TRPC4AP: variants seen among roughly 807,000 people sequenced by gnomAD.
TRPC4AP encodes transient receptor potential cation channel subfamily C member 4 associated protein.
In TRPC4AP, 45 loss-of-function variants were observed where a neutral mutation model predicts 99.0. That is an observed-to-expected ratio of 0.45 (90% confidence interval 0.36 to 0.58). The LOEUF (loss-of-function observed/expected upper bound fraction) is 0.58, where lower values mean the gene tolerates loss of function less well. Ranked by LOEUF, TRPC4AP falls within the 20% of genes least tolerant of loss-of-function variation. The pLI is 0.00. For missense variants in TRPC4AP, 879 were observed against 985.3 expected, an observed-to-expected ratio of 0.89 and a Z score of 1.44; for synonymous variants, 408 against 385.8, an observed-to-expected ratio of 1.06 and a Z score of -0.67.
chr20:35,041,159 C>CTCAACCAGGA (rs1555909108), intron 7 of TRPC4AP, among the ~76,000 whole-genome samples: 2 of 102,444 alleles, frequency 2.0e-5, no homozygotes, highest in African/African-American at 3.5e-5. Context: ...TTAGTTAAGC[C>CTCAACCAGGA]ACCTAGTCTA....
chr20:35,045,546 TA>T (rs1235334083), intron 6 of TRPC4AP, among the ~76,000 whole-genome samples: 1 of 152,054 alleles, frequency 6.6e-6, no homozygotes, highest in Non-Finnish European at 1.5e-5. Context: ...ACTTTTTTAA[TA>T]TTTTTTTTTT....
At chr20:35,066,833 T>TA (rs1416253011) in intron 3 of TRPC4AP, among the ~76,000 whole-genome samples, 3 of 151,902 alleles carry the variant, frequency 2.0e-5, no homozygotes, top group Non-Finnish European at 2.9e-5. Flanking sequence ...CAAAGGCCTT[T>TA]AAAAAATCAA....
In TRPC4AP at chr20:35,035,323, AC is replaced by A; in HGVS notation, c.866-16del. On this transcript the variant is annotated splice_polypyrimidine_tract_variant and intron_variant, in intron 7 of 18. Coordinates refer to ENST00000252015, the MANE Select transcript of TRPC4AP (RefSeq NM_015638.3). The stretch of plus-strand genomic sequence containing the variant: ...GAGAAGGGCCGCTGCCAGGGAAAGA[AC>A]AAGCGAGGAAATTTTCAAAATAGAG... The A allele has an allele frequency of 1.9e-6, 3 of 1,609,232 alleles. No homozygotes were observed. The highest frequency in any genetic ancestry group is 2.5e-6 in the Non-Finnish European group (3 of 1,177,482).
chr20:35,064,907 T>C (rs1184273549), intron 3 of TRPC4AP, among the ~76,000 whole-genome samples: 37 of 152,234 alleles, frequency 2.4e-4, no homozygotes, highest in Non-Finnish European at 1.5e-5. Flanking sequence ...TTACAAATAA[T>C]GTTACACCTA....
Position 35,002,963 on chromosome 20 carries a change from A to T in TRPC4AP, c.*183T>A. ...ATTATGGGGACTGAGGCTCTCCATGACCTAGGGCCCTCAGACCCAGGGGGA... is the reference window on the plus strand; with the variant it reads ...ATTATGGGGACTGAGGCTCTCCATGTCCTAGGGCCCTCAGACCCAGGGGGA... On this transcript the variant is annotated 3_prime_UTR_variant, in exon 19 of 19. Transcript: ENST00000252015. 3 of 739,416 alleles carry T rather than the reference A, an allele frequency of 4.1e-6. No homozygotes were observed. The highest frequency in any genetic ancestry group is 6.5e-6 in the Non-Finnish European group (3 of 463,126). 45.8% of individuals were successfully genotyped at this position (739,416 alleles called of 1,614,324 possible). A position where few individuals can be genotyped will look rare whatever the true frequency, so the allele number is the denominator to read the frequency against.
intron 7 of TRPC4AP, among the ~76,000 whole-genome samples, chr20:35,040,020 G>A (rs900717050): frequency 3.3e-5 from 5 of 151,652 alleles, no homozygotes; most frequent in African/African-American, 4.8e-5. Context: ...AAAACGAAAC[G>A]AAAACTTTTT....
chr20:35,091,190 G>A (rs143371073), intron 1 of TRPC4AP, among the ~76,000 whole-genome samples: 1 of 151,936 alleles, frequency 6.6e-6, no homozygotes, highest in African/African-American at 2.4e-5. Flanking sequence ...GGATTTTGCC[G>A]TGTTGCCTGG....
intron 1 of TRPC4AP, among the ~76,000 whole-genome samples, chr20:35,088,653 C>T (rs1217700400): frequency 6.6e-6 from 1 of 152,168 alleles, no homozygotes; most frequent in Non-Finnish European, 1.5e-5. Context: ...ATCATCACCT[C>T]TTTAGAAATA....
At chr20:35,038,847 T>C (rs1231105605) in intron 7 of TRPC4AP, among the ~76,000 whole-genome samples, 2 of 152,108 alleles carry the variant, frequency 1.3e-5, no homozygotes, top group Admixed American at 6.6e-5. Flanking sequence ...CCGAGGTGGG[T>C]GGATCACCTG....
chr20:35,063,088 C>T (rs2084049800), intron 3 of TRPC4AP, among the ~76,000 whole-genome samples: 1 of 152,220 alleles, frequency 6.6e-6, no homozygotes, highest in African/African-American at 2.4e-5. Context: ...GCAGGTCCCC[C>T]ATGCTGTTCT....
At chr20:35,022,981 C>T (rs906035710) in intron 8 of TRPC4AP, among the ~76,000 whole-genome samples, 11 of 150,714 alleles carry the variant, frequency 7.3e-5, no homozygotes, top group Non-Finnish European at 1.2e-4. Context: ...CAACAGAGAT[C>T]GTGCCACTGC....
At position 35,008,752 on chromosome 20, in the gene TRPC4AP, A is replaced by G. The variant is rs1344206344; in HGVS notation, c.1512-5T>C. ...TTCCCATCACACACCAAACTCCTGA[A>G]ATAGAAGAGAGATATTGGTGACAGA... On this transcript the variant is annotated splice_region_variant and splice_polypyrimidine_tract_variant and intron_variant, in intron 12 of 18. Transcript: ENST00000252015. The G allele has an allele frequency of 6.2e-7, 1 of 1,613,122 alleles. No homozygotes were observed. The highest frequency in any genetic ancestry group is 1.1e-5 in the South Asian group (1 of 90,968).
At chr20:35,086,028 C>T (rs781066642) in intron 1 of TRPC4AP, among the ~76,000 whole-genome samples, 44 of 152,000 alleles carry the variant, frequency 2.9e-4, no homozygotes, top group Non-Finnish European at 5.7e-4. Context: ...ATCCTCCCAC[C>T]TCAGCCCTGC....
rs2082877554 is a variant in TRPC4AP, at chr20:35,021,129, T to A, written c.1218+61A>T. The A allele has an allele frequency of 1.1e-5, 18 of 1,569,130 alleles. No homozygotes were observed. The South Asian group carries it at 1.8e-4, about 16-fold the overall frequency. ...AGAAGGCCCAGTGGAGCACCTGGCATACCATGAGCACCCGGGCAGCACCTG... is the reference window on the plus strand; with the variant it reads ...AGAAGGCCCAGTGGAGCACCTGGCAAACCATGAGCACCCGGGCAGCACCTG... On this transcript the variant is annotated intron_variant, in intron 9 of 18. Transcript: ENST00000252015.
intron 11 of TRPC4AP, among the ~76,000 whole-genome samples, 168 bp downstream of exon 11, chr20:35,012,840 A>G (rs2147277294): frequency 6.6e-6 from 1 of 152,336 alleles, no homozygotes; most frequent in African/African-American, 2.4e-5. Flanking sequence ...AAGTCTGGAA[A>G]GACGGGAGGT....
At chr20:35,012,568 G>C (rs531652454) in intron 11 of TRPC4AP, among the ~76,000 whole-genome samples, 6 of 152,352 alleles carry the variant, frequency 3.9e-5, no homozygotes, top group Admixed American at 6.5e-5. Context: ...AATGAGCGCA[G>C]AATGTCTTTC....
Position 35,003,069 on chromosome 20 carries a change from G to C in TRPC4AP, c.*77C>G. On this transcript the variant is annotated 3_prime_UTR_variant, in exon 19 of 19. Coordinates refer to ENST00000252015, the MANE Select transcript of TRPC4AP (RefSeq NM_015638.3). ...GGCAGAGAGCAGCAGGGAGGAACGGGAACAGGGCAGGGCGTGTGGCATCGT... is the reference window on the plus strand; with the variant it reads ...GGCAGAGAGCAGCAGGGAGGAACGGCAACAGGGCAGGGCGTGTGGCATCGT... 6.3e-7 allele frequency: 1 copy of C among 1,577,434 alleles called. No homozygotes were observed. The highest frequency in any genetic ancestry group is 1.7e-5 in the Admixed American group (1 of 58,550).
chr20:35,003,644 G>A (rs769059042), intron 17 of TRPC4AP, 28 bp from the exon 18 acceptor site: 1 of 1,600,502 alleles, frequency 6.2e-7, no homozygotes, highest in East Asian at 2.3e-5. Context: ...CACAGGGTCA[G>A]GGGCTGGTGG....
chr20:35,002,906 T>C lies in TRPC4AP; in HGVS notation c.*240A>G. ...TGGGTGGCCCTGGGCCCCAGGGTTC[T>C]GAAGGAAAGGTGGGCATGGTACCCT... On this transcript the variant is annotated 3_prime_UTR_variant, in exon 19 of 19. Coordinates refer to ENST00000252015, the MANE Select transcript of TRPC4AP (RefSeq NM_015638.3). 2.0e-6 allele frequency: 1 copy of C among 489,562 alleles called. No individual in the cohort carries two copies. Among genetic ancestry groups the C allele is most frequent in the Non-Finnish European group, 3.6e-6 (1 of 276,264 alleles). The allele number at this position is 489,562 out of a possible 1,614,324, so 30.3% of individuals were successfully genotyped here.
Sources: allele counts gnomAD v4.1 joint callset (sites outside exome capture counted in the v4.1 genomes callset), GRCh38; gene constraint gnomAD v4.1.1; transcripts MANE v1.5; gene names NCBI Gene and HGNC (gene_info 2026-07-23, HGNC 2026-07-21).